Variants in LDLRAD4 observed in about 807,000 individuals in gnomAD.
LDLRAD4 encodes the protein low-density lipoprotein receptor class A domain-containing protein 4.
LDLRAD4 carries 5 observed loss-of-function variants against 17.0 expected under a neutral mutation model. The ratio of observed to expected loss-of-function variants is 0.29; its 90% CI spans 0.15 to 0.62. LDLRAD4 has a LOEUF of 0.62. LDLRAD4 is among the 20% of genes least tolerant of loss of function. The probability of loss-of-function intolerance (pLI) is 0.84; values close to 1 mark genes in which losing one functional copy is unlikely to be tolerated. For missense variants in LDLRAD4, 340 were observed against 424.7 expected, an observed-to-expected ratio of 0.80 and a Z score of 1.75; for synonymous variants, 168 against 171.8, an observed-to-expected ratio of 0.98 and a Z score of 0.17.
chr18:13,271,164 G>T (rs1567953469), intron 1 of LDLRAD4, among the ~76,000 whole-genome samples: 1 of 152,190 alleles, frequency 6.6e-6, no homozygotes, highest in Non-Finnish European at 1.5e-5. Flanking sequence ...GGGAAATAGG[G>T]TGTCATGATT....
chr18:13,473,358 A>G, intron 3 of LDLRAD4, among the ~76,000 whole-genome samples: 1 of 152,060 alleles, frequency 6.6e-6, no homozygotes, highest in African/African-American at 2.4e-5. Context: ...AAATCATATC[A>G]CAGCCAGACA....
At chr18:13,578,891 A>C (rs1276405752) in intron 3 of LDLRAD4, among the ~76,000 whole-genome samples, 2 of 119,508 alleles carry the variant, frequency 1.7e-5, no homozygotes, top group African/African-American at 6.5e-5. Context: ...TCGCTGAGTT[A>C]ATAATATAAT....
chr18:13,218,280 G>T (rs1209267980), upstream of LDLRAD4, among the ~76,000 whole-genome samples: 1 of 152,184 alleles, frequency 6.6e-6, no homozygotes, highest in Non-Finnish European at 1.5e-5. Context: ...AGGTCTGTGA[G>T]GCTTGGTCCG....
At chr18:13,590,887 A>G (rs552058692) in intron 3 of LDLRAD4, among the ~76,000 whole-genome samples, 9 of 152,300 alleles carry the variant, frequency 5.9e-5, no homozygotes, top group African/African-American at 1.9e-4. Context: ...TTATCATCAG[A>G]TGGAATGGAG....
chr18:13,633,784 A>T (rs567956207), intron 4 of LDLRAD4, among the ~76,000 whole-genome samples: 1 of 152,192 alleles, frequency 6.6e-6, no homozygotes, highest in Non-Finnish European at 1.5e-5. Context: ...GAGCACAGGG[A>T]TGCCCTGGGT....
At chr18:13,283,395 G>C (rs1265082669) in intron 1 of LDLRAD4, among the ~76,000 whole-genome samples, 1 of 152,176 alleles carries the variant, frequency 6.6e-6, no homozygotes, top group Non-Finnish European at 1.5e-5. Context: ...ATGCTTTGCT[G>C]CTTAGAAATT....
chr18:13,384,929 T>G (rs2085678081), intron 1 of LDLRAD4, among the ~76,000 whole-genome samples: 1 of 152,242 alleles, frequency 6.6e-6, no homozygotes, highest in South Asian at 2.1e-4. Flanking sequence ...TTATTGTGAA[T>G]AGTGCCGAAA....
intron 2 of LDLRAD4, among the ~76,000 whole-genome samples, chr18:13,436,599 A>G (rs796758759): frequency 1.2e-4 from 19 of 152,346 alleles, no homozygotes; most frequent in African/African-American, 4.1e-4. Context: ...CCATAGTCCA[A>G]TATTTCTTTT....
At chr18:13,415,540 C>A (rs988429612) in intron 2 of LDLRAD4, among the ~76,000 whole-genome samples, 4 of 152,148 alleles carry the variant, frequency 2.6e-5, no homozygotes, top group African/African-American at 9.7e-5. Context: ...GACTTGTCTC[C>A]CCGGTGGTTA....
chr18:13,571,966 C>T (rs1296406757), intron 3 of LDLRAD4, among the ~76,000 whole-genome samples: 1 of 152,280 alleles, frequency 6.6e-6, no homozygotes, highest in East Asian at 1.9e-4. Flanking sequence ...TCATTGTTAA[C>T]CTAAGTGAAG....
At chr18:13,438,457 G>A (rs2090811385) in intron 3 of LDLRAD4, 73 bp downstream of exon 4, 2 of 1,203,174 alleles carry the variant, frequency 1.7e-6, no homozygotes, top group Non-Finnish European at 2.4e-6. Flanking sequence ...GGGTCACTGG[G>A]ACATGGGAAG....
chr18:13,375,822 C>G (rs140435287), intron 1 of LDLRAD4, among the ~76,000 whole-genome samples: 55 of 152,290 alleles, frequency 3.6e-4, no homozygotes, highest in African/African-American at 1.3e-3. Context: ...TCGTTTCCTC[C>G]CGCCCGCCAG....
chr18:13,505,527 A>G (rs989640396), intron 3 of LDLRAD4, among the ~76,000 whole-genome samples: 1 of 152,128 alleles, frequency 6.6e-6, no homozygotes, highest in Non-Finnish European at 1.5e-5. Context: ...AATTTAAAAC[A>G]CTAGTGACCT....
At chr18:13,311,168 G>A (rs1315470831) in intron 1 of LDLRAD4, among the ~76,000 whole-genome samples, 2 of 152,194 alleles carry the variant, frequency 1.3e-5, no homozygotes, top group East Asian at 3.9e-4. Flanking sequence ...GAGTCCATGA[G>A]AGCTTACTGG....
intron 3 of LDLRAD4, chr18:13,543,726 T>C (rs1149361): frequency 0.53 from 80,150 of 152,110 alleles, 21,871 homozygotes; most frequent in Middle Eastern, 0.7. Flanking sequence ...GGCTGGCCTG[T>C]GGAGTCAGCC....
chr18:13,352,443 T>A (rs888629914), intron 1 of LDLRAD4, among the ~76,000 whole-genome samples: 15 of 152,344 alleles, frequency 9.8e-5, no homozygotes, highest in African/African-American at 3.4e-4. Context: ...TTTGGGCTGC[T>A]GGGTTTCTGC....
chr18:13,224,605 G>A lies in LDLRAD4; in HGVS notation c.-467+5617G>A, dbSNP rs1482139078. On this transcript the variant is annotated intron_variant, in intron 1 of 5. Coordinates refer to the LDLRAD4 transcript ENST00000399848. ...TGCCATTCTCCTGCCTCAGCTTCCC[G>A]AGTAGCTGGGATTACAGGCACGTGC... Among the ~76,000 whole-genome samples, 16 of 144,456 alleles carry A rather than the reference G, an allele frequency of 1.1e-4. 1 individual carries two copies. The highest frequency in any genetic ancestry group is 4.1e-4 in the African/African-American group (16 of 39,004). 94.8% of individuals were successfully genotyped at this position (144,456 alleles called of 152,430 possible).
chr18:13,638,245 C>A (rs1724985565), intron 4 of LDLRAD4, among the ~76,000 whole-genome samples: 1 of 151,988 alleles, frequency 6.6e-6, no homozygotes, highest in Admixed American at 6.6e-5. Context: ...TGCTCTCCAG[C>A]CTGGGCAACA....
chr18:13,525,384 C>T (rs572418366), intron 3 of LDLRAD4, among the ~76,000 whole-genome samples: 3 of 152,350 alleles, frequency 2.0e-5, no homozygotes, highest in East Asian at 1.9e-4. Flanking sequence ...CATTTAAACA[C>T]GCTAAAGTCA....
Sources: allele counts gnomAD v4.1 joint callset (sites outside exome capture counted in the v4.1 genomes callset), GRCh38; gene constraint gnomAD v4.1.1; transcripts MANE v1.5; gene names NCBI Gene and HGNC (gene_info 2026-07-23, HGNC 2026-07-21).